Variants in ZMAT3 observed in about 807,000 individuals in gnomAD.
ZMAT3 encodes the protein zinc finger matrin-type protein 3.
In ZMAT3, 17 loss-of-function variants were observed where a neutral mutation model predicts 32.3. The observed-to-expected ratio is 0.53, with a 90% confidence interval of 0.36 to 0.79. ZMAT3 has a LOEUF of 0.79. ZMAT3 is among the 30% of genes least tolerant of loss of function. The pLI is 0.00. For missense variants in ZMAT3, 329 were observed against 359.7 expected (o/e 0.91, Z 0.69); for synonymous variants, 120 against 133.1 (o/e 0.90, Z 0.68).
rs1216058214 is a variant in ZMAT3 at position 179,027,540 on chromosome 3, T to TA, written c.558-18dup. Reference sequence around the variant, plus strand: ...GAGGATTCCCTGGAGAAAAGAAGTTTAAAAAAGAGTGAGTCTTCTAAACAA... The same window carrying TA: ...GAGGATTCCCTGGAGAAAAGAAGTTTAAAAAAAGAGTGAGTCTTCTAAACAA... On this transcript the variant is annotated splice_polypyrimidine_tract_variant and intron_variant, in intron 4 of 5. Transcript: ENST00000311417. 6.2e-7 allele frequency: 1 copy of TA among 1,614,028 alleles called. No homozygotes were observed. The highest frequency in any genetic ancestry group is 8.5e-7 in the Non-Finnish European group (1 of 1,179,994).
At chr3:179,054,880 G>A (rs1720753934) in intron 2 of ZMAT3, among the ~76,000 whole-genome samples, 1 of 152,154 alleles carries the variant, frequency 6.6e-6, no homozygotes, top group South Asian at 2.1e-4. Context: ...AAGTGCCCGG[G>A]TTCATCCTAA....
intron 2 of ZMAT3, among the ~76,000 whole-genome samples, chr3:179,032,772 C>A (rs553956734): frequency 1.1e-4 from 17 of 151,982 alleles, no homozygotes; most frequent in South Asian, 6.2e-4. Context: ...CCCGCAGCCG[C>A]CCCGTCTGGG....
At chr3:179,063,134 G>A (rs983039172) in intron 2 of ZMAT3, among the ~76,000 whole-genome samples, 2 of 152,148 alleles carry the variant, frequency 1.3e-5, no homozygotes, top group African/African-American at 4.8e-5. Context: ...TATGCCACGT[G>A]TAAAGCACAT....
chr3:179,058,333 A>G (rs923052274), intron 2 of ZMAT3, among the ~76,000 whole-genome samples: 9 of 152,260 alleles, frequency 5.9e-5, no homozygotes, highest in African/African-American at 1.9e-4. Context: ...CTTCCAGACA[A>G]TGAAGAAAAG....
chr3:179,061,141 A>T (rs1384625276), intron 2 of ZMAT3, among the ~76,000 whole-genome samples: 1 of 152,212 alleles, frequency 6.6e-6, no homozygotes, highest in African/African-American at 2.4e-5. Context: ...ACAAGATTTA[A>T]AAAAGAAAAC....
At chr3:179,044,081 T>C (rs1414943521) in intron 2 of ZMAT3, among the ~76,000 whole-genome samples, 1 of 152,098 alleles carries the variant, frequency 6.6e-6, no homozygotes, top group African/African-American at 2.4e-5. Context: ...CAACAAATGC[T>C]GGAGAGGATG....
At chr3:179,051,855 G>A (rs978879542) in intron 2 of ZMAT3, among the ~76,000 whole-genome samples, 1 of 152,042 alleles carries the variant, frequency 6.6e-6, no homozygotes, top group African/African-American at 2.4e-5. Context: ...ACAGAATAGA[G>A]AACCCAGAAA....
chr3:179,057,308 C>T (rs2108577926), intron 2 of ZMAT3, among the ~76,000 whole-genome samples: 2 of 152,260 alleles, frequency 1.3e-5, no homozygotes, highest in South Asian at 4.1e-4. Flanking sequence ...TCCCAAATAC[C>T]AGAGGAAGCA....
At chr3:179,061,012 C>T (rs565011485) in intron 2 of ZMAT3, among the ~76,000 whole-genome samples, 155 of 151,416 alleles carry the variant, frequency 1.0e-3, no homozygotes, top group African/African-American at 3.5e-3. Context: ...TTTTTAGAAA[C>T]GCAAGGGCTC....
intron 2 of ZMAT3, among the ~76,000 whole-genome samples, chr3:179,037,536 G>A (rs116639794): frequency 1.6e-4 from 25 of 152,300 alleles, no homozygotes; most frequent in African/African-American, 6.0e-4. Context: ...TGAGTGGGCG[G>A]AGTGAGCTCG....
intron 2 of ZMAT3, among the ~76,000 whole-genome samples, chr3:179,035,484 C>G (rs1041360077): frequency 3.9e-5 from 6 of 152,166 alleles, no homozygotes; most frequent in Non-Finnish European, 7.4e-5. Context: ...CTCACTCACT[C>G]TCAAGTGTCA....
chr3:179,037,743 A>G (rs1363573009), intron 2 of ZMAT3, among the ~76,000 whole-genome samples: 2 of 152,224 alleles, frequency 1.3e-5, no homozygotes, highest in Non-Finnish European at 2.9e-5. Context: ...CAAGGCTAAG[A>G]AGGTTTAGAA....
chr3:179,042,975 T>C (rs1298652978), intron 2 of ZMAT3, among the ~76,000 whole-genome samples: 1 of 152,168 alleles, frequency 6.6e-6, no homozygotes, highest in East Asian at 1.9e-4. Flanking sequence ...CATTCACAAT[T>C]GCTACGAAAA....
intron 2 of ZMAT3, among the ~76,000 whole-genome samples, chr3:179,059,026 T>C (rs1238816066): frequency 3.9e-5 from 6 of 152,000 alleles, no homozygotes; most frequent in Admixed American, 3.3e-4. Context: ...GGAACACCTA[T>C]CAAACATCAG....
chr3:179,042,610 C>T (rs1720013367), intron 2 of ZMAT3, among the ~76,000 whole-genome samples: 1 of 152,162 alleles, frequency 6.6e-6, no homozygotes, highest in Non-Finnish European at 1.5e-5. Context: ...AACCCACAGC[C>T]AATATCACAC....
intron 5 of ZMAT3, 85 bp from the exon 6 acceptor site, chr3:179,025,313 C>A: frequency 8.9e-7 from 1 of 1,128,362 alleles, no homozygotes; most frequent in Non-Finnish European, 1.3e-6. Flanking sequence ...ATTTGTAATT[C>A]TAAGTTCAAA....
rs191834535 is a variant in ZMAT3 at position 179,030,916 on chromosome 3, C to T, written c.354G>A (p.Glu118=). 4.3e-6 allele frequency: 7 copies of T among 1,613,926 alleles called. No homozygotes were observed. Among genetic ancestry groups the T allele is most frequent in the African/African-American group, 4.0e-5 (3 of 75,046 alleles). Residue 118 remains glutamate, a synonymous_variant, in exon 3 of 6, where the codon GAG becomes GAA. Coordinates refer to ENST00000311417, the MANE Select transcript of ZMAT3 (RefSeq NM_022470.4). ...CTGGAACAACTGGAGTAGCTGCAGG[C>T]TCGACCACATTGCTCATTCTAGCAG... ...PPPARMSNVV[E]PAATPVVPVP...
intron 1 of ZMAT3, among the ~76,000 whole-genome samples, chr3:179,070,121 G>A (rs1273764710): frequency 6.6e-6 from 1 of 151,988 alleles, no homozygotes; most frequent in East Asian, 1.9e-4. Context: ...GGTGGGGGGG[G>A]GTGTCAAAAC....
At position 179,024,925 on chromosome 3, in the gene ZMAT3, T is replaced by C; in HGVS notation, c.*92A>G. The C allele has an allele frequency of 2.8e-6, 3 of 1,074,972 alleles. No homozygotes were observed. The highest frequency in any genetic ancestry group is 6.6e-5 in the East Asian group (2 of 30,392). The allele number at this position is 1,074,972 out of a possible 1,614,324, so 66.6% of individuals were successfully genotyped here. On this transcript the variant is annotated 3_prime_UTR_variant, in exon 6 of 6. Transcript: ENST00000311417. ...CATGTATTAACATTAAGCAGAGGAA[T>C]GTACTCATATCAAAAAGACCACAAA...
Sources: allele counts gnomAD v4.1 joint callset (sites outside exome capture counted in the v4.1 genomes callset), GRCh38; gene constraint gnomAD v4.1.1; transcripts MANE v1.5; gene names NCBI Gene and HGNC (gene_info 2026-07-23, HGNC 2026-07-21).